Variants in TMEM182 observed in about 807,000 individuals in gnomAD.
The protein encoded by TMEM182 is transmembrane protein 182.
TMEM182 carries 20 observed loss-of-function variants against 26.8 expected under a neutral mutation model. That is an observed-to-expected ratio of 0.75 (90% CI 0.53 to 1.09). The LOEUF (loss-of-function observed/expected upper bound fraction) is 1.09, where lower values mean the gene tolerates loss of function less well. Among genes scored for constraint, TMEM182 ranks in the 50% least tolerant of loss-of-function variants. The probability of loss-of-function intolerance (pLI) is 0.00; values close to 1 mark genes in which losing one functional copy is unlikely to be tolerated. For missense variants in TMEM182, 277 were observed against 275.5 expected (o/e 1.01, Z -0.04); for synonymous variants, 109 against 102.2 (o/e 1.07, Z -0.40).
intron 3 of TMEM182, among the ~76,000 whole-genome samples, chr2:102,767,796 TTA>T (rs2104667870): frequency 1.3e-5 from 2 of 152,356 alleles, no homozygotes; most frequent in South Asian, 4.1e-4. Context: ...TTGCATACTT[TTA>T]GTTTCTTCTG....
chr2:102,839,106 A>G (rs1022843598), intron 3 of TMEM182, among the ~76,000 whole-genome samples: 1 of 152,148 alleles, frequency 6.6e-6, no homozygotes, highest in Non-Finnish European at 1.5e-5. Context: ...TGCCTTCTGC[A>G]TGAGCACTAG....
chr2:102,737,282 A>T (rs1264162335), intron 1 of TMEM182, among the ~76,000 whole-genome samples: 4 of 152,172 alleles, frequency 2.6e-5, no homozygotes, highest in Non-Finnish European at 5.9e-5. Context: ...ATGTAGTCCA[A>T]CTTCTAGAGG....
At chr2:102,798,176 A>G (rs796311859) in intron 4 of TMEM182, among the ~76,000 whole-genome samples, 176 bp downstream of exon 4, 1 of 151,624 alleles carries the variant, frequency 6.6e-6, no homozygotes, top group Non-Finnish European at 1.5e-5. Flanking sequence ...TTGAACACTA[A>G]CTGTGTGTCG....
intron 3 of TMEM182, among the ~76,000 whole-genome samples, chr2:102,828,207 G>T (rs1033646600): frequency 6.6e-6 from 1 of 152,164 alleles, no homozygotes; most frequent in African/African-American, 2.4e-5. Flanking sequence ...ATTAATCAGG[G>T]AAGAGAAAAC....
intron 1 of TMEM182, among the ~76,000 whole-genome samples, chr2:102,738,942 G>T (rs1437624843): frequency 4.6e-5 from 7 of 152,176 alleles, no homozygotes; most frequent in Non-Finnish European, 4.4e-5. Context: ...TATTATGTAT[G>T]ACTTGCAAGC....
chr2:102,808,853 T>C (rs889502582), intron 4 of TMEM182, among the ~76,000 whole-genome samples: 1 of 152,200 alleles, frequency 6.6e-6, no homozygotes, highest in African/African-American at 2.4e-5. Flanking sequence ...CTGCTATGAT[T>C]CCATTTATAA....
At position 102,817,594 on chromosome 2, in the gene TMEM182, C is replaced by T. The variant is rs1682799349; in HGVS notation, c.*2626C>T. 1.0e-6 allele frequency: 1 copy of T among 984,052 alleles called. No individual in the cohort carries two copies. Among genetic ancestry groups the T allele is most frequent in the Non-Finnish European group, 1.2e-6 (1 of 828,882 alleles). 61.0% of individuals were successfully genotyped at this position (984,052 alleles called of 1,614,324 possible). ...TAATATCAAGTGTGTTGTTAGTATT[C>T]ATTTAGTCATTTTTATTACTAATCT... On this transcript the variant is annotated 3_prime_UTR_variant, in exon 5 of 5. Transcript: ENST00000412401.
At position 102,816,848 on chromosome 2, in the gene TMEM182, C is replaced by G; in HGVS notation, c.*1880C>G. Reference sequence around the variant, plus strand: ...TGGAATGGAGCCTTTTTCTGGTGTACTGTATGCCATTTAAGTTTCACATAC... The same window carrying G: ...TGGAATGGAGCCTTTTTCTGGTGTAGTGTATGCCATTTAAGTTTCACATAC... On this transcript the variant is annotated 3_prime_UTR_variant, in exon 5 of 5. Coordinates refer to ENST00000412401, the MANE Select transcript of TMEM182 (RefSeq NM_144632.5). The G allele has an allele frequency of 2.0e-6, 2 of 985,754 alleles. No homozygotes were observed. Among genetic ancestry groups the G allele is most frequent in the South Asian group, 9.4e-5 (2 of 21,284 alleles). The allele number at this position is 985,754 out of a possible 1,614,324, so 61.1% of individuals were successfully genotyped here.
chr2:102,759,411 T>C (rs939734615), upstream of TMEM182, among the ~76,000 whole-genome samples: 5 of 152,196 alleles, frequency 3.3e-5, no homozygotes, highest in African/African-American at 1.2e-4. Context: ...CCTCCATATA[T>C]TTTGTTCTAA....
Position 102,837,787 on chromosome 2 carries a change from G to A in TMEM182, c.326-5625G>A, listed in dbSNP as rs561660145. Reference sequence around the variant, plus strand: ...TCCTGCTTTCCCCAGACCCAACCACGCAGGCTGGTTTTGTTCTCTCTCTGC... The same window carrying A: ...TCCTGCTTTCCCCAGACCCAACCACACAGGCTGGTTTTGTTCTCTCTCTGC... On this transcript the variant is annotated intron_variant, in intron 3 of 3. Coordinates refer to the TMEM182 transcript ENST00000486293. 9.9e-5 allele frequency among the ~76,000 whole-genome samples: 15 copies of A among 152,260 alleles called. No individual in the cohort carries two copies. In the East Asian group the frequency reaches 1.7e-3, roughly 18 times the overall value.
intron 3 of TMEM182, among the ~76,000 whole-genome samples, chr2:102,791,353 T>C (rs1434249172): frequency 2.0e-5 from 3 of 152,262 alleles, no homozygotes; most frequent in African/African-American, 7.2e-5. Context: ...TATGTTGATA[T>C]CATATTTCAG....
At chr2:102,809,582 G>A (rs758317731) in intron 4 of TMEM182, among the ~76,000 whole-genome samples, 2 of 152,166 alleles carry the variant, frequency 1.3e-5, no homozygotes, top group Non-Finnish European at 2.9e-5. Context: ...AATGTTTTCA[G>A]CTTAACCTAT....
chr2:102,751,082 C>T (rs1315696999), intron 1 of TMEM182, among the ~76,000 whole-genome samples: 1 of 152,108 alleles, frequency 6.6e-6, no homozygotes, highest in Non-Finnish European at 1.5e-5. Flanking sequence ...GGTTCATTGC[C>T]TCATGCCAAG....
At chr2:102,760,411 A>C (rs542878609), upstream of TMEM182, among the ~76,000 whole-genome samples, 20 of 152,348 alleles carry the variant, frequency 1.3e-4, no homozygotes, top group Admixed American at 1.3e-3. Flanking sequence ...GCAGAAAATC[A>C]GGCAGAGCTA....
chr2:102,805,338 G>A (rs939291279), intron 4 of TMEM182, among the ~76,000 whole-genome samples: 1 of 152,100 alleles, frequency 6.6e-6, no homozygotes, highest in Non-Finnish European at 1.5e-5. Flanking sequence ...GGTGAAGGCT[G>A]TGAGAATGTG....
At chr2:102,838,325 A>G (rs190864215) in intron 3 of TMEM182, among the ~76,000 whole-genome samples, 3 of 152,294 alleles carry the variant, frequency 2.0e-5, no homozygotes, top group East Asian at 1.9e-4. Context: ...ATGGCTACAT[A>G]TTGTTCCTCC....
intron 3 of TMEM182, among the ~76,000 whole-genome samples, chr2:102,779,105 G>T (rs912397243): frequency 2.0e-5 from 3 of 151,882 alleles, no homozygotes; most frequent in Admixed American, 1.3e-4. Context: ...AAATTTTGGG[G>T]TTAACAATTT....
intron 3 of TMEM182, among the ~76,000 whole-genome samples, chr2:102,776,754 T>G (rs1309823788): frequency 2.6e-5 from 4 of 152,172 alleles, no homozygotes; most frequent in African/African-American, 9.7e-5. Flanking sequence ...GACCATACCA[T>G]TTTACATTCT....
At chr2:102,836,475 C>T (rs1386051119) in intron 3 of TMEM182, among the ~76,000 whole-genome samples, 1 of 152,076 alleles carries the variant, frequency 6.6e-6, no homozygotes, top group Non-Finnish European at 1.5e-5. Context: ...GTTTTAAGTG[C>T]CAGATACTGG....
Sources: allele counts gnomAD v4.1 joint callset (sites outside exome capture counted in the v4.1 genomes callset), GRCh38; gene constraint gnomAD v4.1.1; transcripts MANE v1.5; gene names NCBI Gene and HGNC (gene_info 2026-07-23, HGNC 2026-07-21).